Variants in WDHD1 observed in about 807,000 individuals in gnomAD.
WDHD1 encodes the protein WD repeat and HMG-box DNA binding protein 1.
A neutral mutation model predicts 135.4 loss-of-function variants in WDHD1; 111 were observed. The observed-to-expected ratio is 0.82, with a 90% CI of 0.70 to 0.96. The LOEUF (loss-of-function observed/expected upper bound fraction) is 0.96. Among genes scored for constraint, WDHD1 ranks in the 40% least tolerant of loss-of-function variants. The probability of loss-of-function intolerance (pLI) is 0.00; values close to 1 mark genes in which losing one functional copy is unlikely to be tolerated. For missense variants in WDHD1, 1,351 were observed against 1,336.3 expected (o/e 1.01, Z -0.17); for synonymous variants, 434 against 439.0 (o/e 0.99, Z 0.14).
At chr14:54,951,759 C>G (rs2041058131) in intron 24 of WDHD1, among the ~76,000 whole-genome samples, 1 of 152,212 alleles carries the variant, frequency 6.6e-6, no homozygotes, top group African/African-American at 2.4e-5. Flanking sequence ...CAGTAAAATA[C>G]TGGCAAACCA....
chr14:54,955,435 G>A, intron 24 of WDHD1, 126 bp downstream of exon 24: 1 of 892,186 alleles, frequency 1.1e-6, no homozygotes, highest in South Asian at 4.7e-5. Flanking sequence ...CAAGTGTCCA[G>A]AATGCCCACT....
chr14:55,023,990 C>G (rs1426440807), intron 2 of WDHD1, among the ~76,000 whole-genome samples: 1 of 152,072 alleles, frequency 6.6e-6, no homozygotes, highest in African/African-American at 2.4e-5. Context: ...ACGCTAGTAT[C>G]TACATAGATT....
chr14:55,016,655 G>A (rs2042266973), intron 2 of WDHD1, among the ~76,000 whole-genome samples: 3 of 152,210 alleles, frequency 2.0e-5, no homozygotes, highest in Admixed American at 2.0e-4. Flanking sequence ...ACCTGGTACT[G>A]AGCAATTGAA....
intron 25 of WDHD1, among the ~76,000 whole-genome samples, chr14:54,942,567 C>G (rs1297288245): frequency 6.6e-6 from 1 of 152,160 alleles, no homozygotes; most frequent in Non-Finnish European, 1.5e-5. Context: ...CGACTCCAAC[C>G]CCTGGCAACC....
Position 54,967,300 on chromosome 14 carries a change from T to C in WDHD1, c.2158A>G (p.Thr720Ala), listed in dbSNP as rs761036473. 5 of 1,611,688 alleles carry C rather than the reference T, an allele frequency of 3.1e-6. No individual in the cohort carries two copies. The highest frequency in any genetic ancestry group is 4.2e-6 in the Non-Finnish European group (5 of 1,178,430). Residue 720 changes from threonine (T) to alanine (A), a missense_variant, in exon 17 of 26, where the codon ACA becomes GCA. Transcript: ENST00000360586. ...SFKLPYCQIA[T>A]EKGQMEEQFW... ...CATACCTCCATTTGTCCTTTCTCTG[T>C]TGCAATCTGACAGTAAGGAAGCTTA...
Position 55,010,382 on chromosome 14 carries a change from A to T in WDHD1, c.268T>A (p.Leu90Met). 1 of 1,613,702 alleles carries T rather than the reference A, an allele frequency of 6.2e-7. No homozygotes were observed. Among genetic ancestry groups the T allele is most frequent in the East Asian group, 2.2e-5 (1 of 44,842 alleles). Residue 90 changes from leucine to methionine, a missense_variant, in exon 4 of 26, where the codon TTG becomes ATG. Physicochemically the swap from Leu to Met is conservative, Grantham distance 15. Coordinates refer to ENST00000360586, the MANE Select transcript of WDHD1 (RefSeq NM_007086.4). ...TFPEGVPDGILTRFTTNANHV... is the reference protein window; with the variant it reads ...TFPEGVPDGIMTRFTTNANHV... Reference sequence around the variant, plus strand: ...TTTGCATTTGTAGTGAAGCGAGTCAATATACCATCTGGAACTCCTTCAGGA... The same window carrying T: ...TTTGCATTTGTAGTGAAGCGAGTCATTATACCATCTGGAACTCCTTCAGGA...
chr14:55,027,041 C>A lies in WDHD1; in HGVS notation c.-30G>T. 2.1e-6 allele frequency: 1 copy of A among 487,494 alleles called. No individual in the cohort carries two copies. The highest frequency in any genetic ancestry group is 3.5e-5 in the East Asian group (1 of 28,470). The allele number at this position is 487,494 out of a possible 1,614,324, so 30.2% of individuals were successfully genotyped here. On this transcript the variant is annotated 5_prime_UTR_variant, in exon 1 of 26. Transcript: ENST00000360586. ...GTGGGGACTCACCCGGGTGACCGAGCCTCCGCCACTGAGGATCCACAAGAG... is the reference window on the plus strand; with the variant it reads ...GTGGGGACTCACCCGGGTGACCGAGACTCCGCCACTGAGGATCCACAAGAG...
At chr14:55,020,932 T>C (rs982807754) in intron 2 of WDHD1, among the ~76,000 whole-genome samples, 51 of 152,190 alleles carry the variant, frequency 3.4e-4, no homozygotes, top group African/African-American at 1.2e-3. Flanking sequence ...ATTTATTAAG[T>C]GGAAGTAGAT....
rs71131246 is a variant in WDHD1 at position 54,997,089 on chromosome 14, CTTTTTTTTTTTTT to C, written c.943-1289_943-1277del. 9.7e-5 allele frequency among the ~76,000 whole-genome samples: 4 copies of C among 41,206 alleles called. No individual in the cohort carries two copies. The East Asian group carries it at 2.4e-3, about 24-fold the overall frequency. The allele number at this position is 41,206 out of a possible 152,430, so 27.0% of individuals were successfully genotyped here. ...ACAGGCGTGAGCCACAGCGCCCAGC[CTTTTTTTTTTTTT>C]TTTTTTTTTTTGACACAGAGTCTCA... On this transcript the variant is annotated intron_variant, in intron 10 of 25. Coordinates refer to ENST00000360586, the MANE Select transcript of WDHD1 (RefSeq NM_007086.4).
chr14:55,024,097 A>G (rs564514702), intron 2 of WDHD1, among the ~76,000 whole-genome samples: 24 of 152,210 alleles, frequency 1.6e-4, no homozygotes, highest in Non-Finnish European at 2.2e-4. Flanking sequence ...ACTGCCAAAA[A>G]TTTTCTAATA....
rs2040818172 is a variant in WDHD1, at chr14:54,940,115, C to T, written c.*1375G>A. 2 of 152,144 alleles carry T rather than the reference C, an allele frequency of 1.3e-5. No individual in the cohort carries two copies. 9.4% of individuals were successfully genotyped at this position (152,144 alleles called of 1,614,324 possible). A position where few individuals can be genotyped will look rare whatever the true frequency, so the allele number is the denominator to read the frequency against. On this transcript the variant is annotated 3_prime_UTR_variant, in exon 26 of 26. Transcript: ENST00000360586. ...ATTTATATAAAAGATTACTATGTGT[C>T]AGAAACTAAGGGCTTTCATTTCATT...
chr14:54,940,038 AAAGC>A lies in WDHD1; in HGVS notation c.*1448_*1451del, dbSNP rs2040816915. The A allele has an allele frequency of 6.6e-6, 1 of 152,372 alleles. No homozygotes were observed. Among genetic ancestry groups the A allele is most frequent in the East Asian group, 1.9e-4 (1 of 5,196 alleles). The allele number at this position is 152,372 out of a possible 1,614,324, so 9.4% of individuals were successfully genotyped here. A position where few individuals can be genotyped will look rare whatever the true frequency, so the allele number is the denominator to read the frequency against. On this transcript the variant is annotated 3_prime_UTR_variant, in exon 26 of 26. Transcript: ENST00000360586. ...AGTATTCAGAATCAAACCTAATGAC[AAAGC>A]AAGATGAAATAACCAACAGCATCAT...
intron 23 of WDHD1, among the ~76,000 whole-genome samples, chr14:54,956,452 T>A (rs973263106): frequency 2.8e-4 from 43 of 151,910 alleles, no homozygotes; most frequent in African/African-American, 1.0e-3. Flanking sequence ...AGCCTGGCCA[T>A]CATGCTGAAA....
rs2041449392 is a variant in WDHD1, at chr14:54,972,331, C to T, written c.2064-4937G>A. ...TGGTGGCTCATGTCTGTAATCCCAG[C>T]ACTTTGAGGGGTGAGGCAGGCAGAT... On this transcript the variant is annotated intron_variant, in intron 16 of 25. Coordinates refer to ENST00000360586, the MANE Select transcript of WDHD1 (RefSeq NM_007086.4). 2.7e-5 allele frequency among the ~76,000 whole-genome samples: 4 copies of T among 149,724 alleles called. No individual in the cohort carries two copies. In the South Asian group the frequency reaches 8.5e-4, roughly 32 times the overall value.
Position 54,941,122 on chromosome 14 carries a change from T to C in WDHD1, c.*368A>G, listed in dbSNP as rs1007258341. ...GAGGACTATTGTCCTTCCTTGCACA[T>C]GACAAAAACCAAATGAACCAAACCC... On this transcript the variant is annotated 3_prime_UTR_variant, in exon 26 of 26. Coordinates refer to ENST00000360586, the MANE Select transcript of WDHD1 (RefSeq NM_007086.4). 6.1e-6 allele frequency: 1 copy of C among 164,394 alleles called. No individual in the cohort carries two copies. Among genetic ancestry groups the C allele is most frequent in the African/African-American group, 2.4e-5 (1 of 41,616 alleles). The allele number at this position is 164,394 out of a possible 1,614,324, so 10.2% of individuals were successfully genotyped here.
At chr14:54,955,422 T>C (rs528824775) in intron 24 of WDHD1, 139 bp downstream of exon 24, 1 of 689,732 alleles carries the variant, frequency 1.4e-6, no homozygotes, top group Non-Finnish European at 2.1e-6. Context: ...TTCCTTATAG[T>C]CACAAGTGTC....
At chr14:54,965,199 C>T (rs1438556565) in intron 18 of WDHD1, among the ~76,000 whole-genome samples, 3 of 152,240 alleles carry the variant, frequency 2.0e-5, no homozygotes, top group Admixed American at 6.5e-5. Flanking sequence ...GCCTGGCATA[C>T]AGCAGTGAGC....
intron 24 of WDHD1, among the ~76,000 whole-genome samples, chr14:54,946,691 T>A (rs1310300280): frequency 6.6e-6 from 1 of 152,184 alleles, no homozygotes; most frequent in Non-Finnish European, 1.5e-5. Context: ...TCTCCCTACA[T>A]TGCCCAGGCT....
intron 16 of WDHD1, among the ~76,000 whole-genome samples, chr14:54,971,115 A>G (rs531859309): frequency 6.9e-4 from 105 of 152,326 alleles, no homozygotes; most frequent in Non-Finnish European, 9.1e-4. Flanking sequence ...TAAATGTAAG[A>G]CCTCAGAATA....
Sources: gnomAD v4.1 joint callset for allele counts (sites outside exome capture counted in the v4.1 genomes callset) on GRCh38, gnomAD v4.1.1 for gene constraint, MANE v1.5 for transcripts, NCBI Gene and HGNC (gene_info 2026-07-23, HGNC 2026-07-21) for gene names.